The following OR2C1 variants were observed in gnomAD, a reference collection of about 807,000 sequenced individuals.
OR2C1 encodes olfactory receptor 2C1.
For missense variants in OR2C1, 468 were observed against 388.3 expected (o/e 1.21, Z -1.73); for synonymous variants, 209 against 167.3 (o/e 1.25, Z -1.92).
chr16:3,349,942 G>A, the OR2C1 span, among the ~76,000 whole-genome samples: 8 of 151,776 alleles, frequency 5.3e-5, no homozygotes, highest in South Asian at 4.1e-4. Context: ...TCCTTTAGGC[G>A]AAAGGTTGGC....
the OR2C1 span, among the ~76,000 whole-genome samples, chr16:3,338,696 C>A: frequency 1.3e-5 from 2 of 151,966 alleles, no homozygotes; most frequent in African/African-American, 2.4e-5. Flanking sequence ...CGCCAGCACG[C>A]CTGGCTAATT....
upstream of OR2C1, among the ~76,000 whole-genome samples, chr16:3,355,381 C>G (rs2030644676): frequency 7.2e-6 from 1 of 138,260 alleles, no homozygotes; most frequent in Non-Finnish European, 1.5e-5. Context: ...TTGCTTGCAC[C>G]TGGGAGGCGG....
the OR2C1 span, among the ~76,000 whole-genome samples, chr16:3,332,373 G>C: frequency 6.6e-6 from 1 of 152,056 alleles, no homozygotes; most frequent in African/African-American, 2.4e-5. Context: ...TGGGATTACA[G>C]ACGTTCTTCT....
chr16:3,325,914 A>G, the OR2C1 span, among the ~76,000 whole-genome samples: 2 of 150,278 alleles, frequency 1.3e-5, no homozygotes, highest in Admixed American at 1.3e-4. Flanking sequence ...ATACTGCAAG[A>G]GTGCTCAAGT....
the OR2C1 span, among the ~76,000 whole-genome samples, chr16:3,326,459 C>T: frequency 6.6e-6 from 1 of 152,216 alleles, no homozygotes; most frequent in African/African-American, 2.4e-5. Context: ...ACCTCTATTG[C>T]AGTTTTAGAA....
At chr16:3,328,937 A>C in the OR2C1 span, among the ~76,000 whole-genome samples, 22 of 152,142 alleles carry the variant, frequency 1.4e-4, no homozygotes, top group African/African-American at 5.3e-4. Context: ...TGATGTGCAC[A>C]GGGAATAGTA....
the OR2C1 span, chr16:3,323,712 G>C: frequency 1.5e-6 from 1 of 687,316 alleles, no homozygotes; most frequent in Non-Finnish European, 2.6e-6. Flanking sequence ...TTCATTTCTA[G>C]TCATCTGAGA....
chr16:3,338,681 G>T, the OR2C1 span, among the ~76,000 whole-genome samples: 35 of 151,980 alleles, frequency 2.3e-4, no homozygotes, highest in South Asian at 7.3e-3. Flanking sequence ...GAGATTACAG[G>T]CGCCCGCCAG....
the OR2C1 span, among the ~76,000 whole-genome samples, chr16:3,338,601 G>A: frequency 1.4e-5 from 2 of 145,952 alleles, no homozygotes; most frequent in African/African-American, 2.6e-5. Flanking sequence ...GCAGTGGCGC[G>A]CTCTCGGCTC....
the OR2C1 span, among the ~76,000 whole-genome samples, chr16:3,325,505 A>ATATATATG: frequency 7.7e-6 from 1 of 130,376 alleles, no homozygotes; most frequent in Non-Finnish European, 1.6e-5. Context: ...ATATATATAT[A>ATATATATG]CACTTTAAAA....
At chr16:3,338,154 A>G in the OR2C1 span, among the ~76,000 whole-genome samples, 2 of 152,356 alleles carry the variant, frequency 1.3e-5, no homozygotes, top group Admixed American at 6.5e-5. Flanking sequence ...CACTTGCTGC[A>G]GCATGGTGCA....
upstream of OR2C1, among the ~76,000 whole-genome samples, chr16:3,351,818 A>C (rs1232880771): frequency 6.6e-6 from 1 of 151,398 alleles, no homozygotes; most frequent in African/African-American, 2.4e-5. Flanking sequence ...GTGCTTCTCT[A>C]GCCTTTTCCA....
At chr16:3,324,254 C>T in the OR2C1 span, among the ~76,000 whole-genome samples, 5 of 151,906 alleles carry the variant, frequency 3.3e-5, no homozygotes, top group Admixed American at 6.6e-5. Flanking sequence ...TGCAGTTGCC[C>T]GGTCTCGGCT....
At chr16:3,335,132 T>C in the OR2C1 span, among the ~76,000 whole-genome samples, 1 of 152,240 alleles carries the variant, frequency 6.6e-6, no homozygotes, top group Admixed American at 6.5e-5. Context: ...CTTAGTTCTT[T>C]ATACTCAGGA....
At chr16:3,357,957 G>C (rs1161424075), downstream of OR2C1, among the ~76,000 whole-genome samples, 1 of 151,792 alleles carries the variant, frequency 6.6e-6, no homozygotes, top group African/African-American at 2.4e-5. Context: ...CTCCAGCCTG[G>C]GTAACGAGCA....
At chr16:3,323,924 A>G in the OR2C1 span, 13 of 940,650 alleles carry the variant, frequency 1.4e-5, no homozygotes, top group East Asian at 2.4e-5. Context: ...TTGCTCTGCC[A>G]TCTTTCTAGT....
the OR2C1 span, among the ~76,000 whole-genome samples, chr16:3,327,811 A>C: frequency 1.4e-3 from 212 of 152,250 alleles, 2 homozygotes; most frequent in African/African-American, 5.0e-3. Flanking sequence ...AAGTGCCCTC[A>C]GAAGAGTTTC....
At chr16:3,334,378 C>T in the OR2C1 span, among the ~76,000 whole-genome samples, 124 of 151,206 alleles carry the variant, frequency 8.2e-4, no homozygotes, top group Middle Eastern at 6.9e-3. Context: ...CCTTGTGATC[C>T]GCCTGCCTCG....
chr16:3,335,068 C>T, the OR2C1 span, among the ~76,000 whole-genome samples: 1 of 152,132 alleles, frequency 6.6e-6, no homozygotes, highest in Non-Finnish European at 1.5e-5. Context: ...ATCTGCCCGC[C>T]TCAGCCTCCC....
Sources: gnomAD v4.1 joint callset for allele counts (sites outside exome capture counted in the v4.1 genomes callset) on GRCh38, gnomAD v4.1.1 for gene constraint, MANE v1.5 for transcripts, NCBI Gene and HGNC (gene_info 2026-07-23, HGNC 2026-07-21) for gene names.